Variants in HES7 observed in about 807,000 individuals in gnomAD.
HES7 encodes transcription factor HES-7.
A neutral mutation model predicts 18.0 loss-of-function variants in HES7; 8 were observed. The ratio of observed to expected loss-of-function variants is 0.45; its 90% CI spans 0.26 to 0.80. The LOEUF is 0.80. Among genes scored for constraint, HES7 ranks in the 30% least tolerant of loss-of-function variants. The pLI is 0.18. For missense variants in HES7, 356 were observed against 340.9 expected, an observed-to-expected ratio of 1.04 and a Z score of -0.35; for synonymous variants, 170 against 158.6, an observed-to-expected ratio of 1.07 and a Z score of -0.54.
chr17:8,125,788 A>G (rs971758650), upstream of HES7, among the ~76,000 whole-genome samples: 7 of 152,212 alleles, frequency 4.6e-5, no homozygotes, highest in African/African-American at 9.6e-5. Context: ...GCCACGCGGG[A>G]GGCCCGGGTT....
At position 8,123,165 on chromosome 17, in the gene HES7, C is replaced by A; in HGVS notation, c.43-39G>T. The A allele has an allele frequency of 6.6e-7, 1 of 1,516,432 alleles. No individual in the cohort carries two copies. Among genetic ancestry groups the A allele is most frequent in the Non-Finnish European group, 9.0e-7 (1 of 1,112,296 alleles). The allele number at this position is 1,516,432 out of a possible 1,614,324, so 93.9% of individuals were successfully genotyped here. A position where few individuals can be genotyped will look rare whatever the true frequency, so the allele number is the denominator to read the frequency against. On this transcript the variant is annotated intron_variant, in intron 1 of 3. Transcript: ENST00000541682. This position sits in a 1 kb window ranked among gnomAD's most constrained non-coding sequence, Gnocchi z 5.9. ...GAAAAGGAGAGCGGGCCGACCAGAC[C>A]GAGACTCAGTGCGGCCGCCCCGGCG...
chr17:8,122,140 A>ACTT lies in HES7; in HGVS notation c.227-104_227-103insAAG. On this transcript the variant is annotated intron_variant, in intron 3 of 3. Coordinates refer to ENST00000541682, the MANE Select transcript of HES7 (RefSeq NM_001165967.2). The surrounding 1 kb of genome is among the most constrained non-coding windows in gnomAD (Gnocchi z 6.9). ...ACCAAGGCCGGACAGGCGCACAGAG[A>ACTT]CAGGAAGCCAGATGGACGGAAAGAG... 9.0e-7 allele frequency: 1 copy of ACTT among 1,109,844 alleles called. No homozygotes were observed. Among genetic ancestry groups the ACTT allele is most frequent in the Non-Finnish European group, 1.3e-6 (1 of 797,770 alleles). The allele number at this position is 1,109,844 out of a possible 1,614,324, so 68.7% of individuals were successfully genotyped here. A position where few individuals can be genotyped will look rare whatever the true frequency, so the allele number is the denominator to read the frequency against.
Position 8,123,952 on chromosome 17 carries a change from C to T in HES7, c.42+91G>A. On this transcript the variant is annotated intron_variant, in intron 1 of 3. Coordinates refer to ENST00000541682, the MANE Select transcript of HES7 (RefSeq NM_001165967.2). This position sits in a 1 kb window ranked among gnomAD's most constrained non-coding sequence, Gnocchi z 5.9. ...GAGCACCGCTCCCCTTCCACCCCTG[C>T]GTCCCCAGCCTCTCTCCAGACCGAC... The T allele has an allele frequency of 1.4e-6, 2 of 1,416,084 alleles. No homozygotes were observed. The highest frequency in any genetic ancestry group is 1.4e-5 in the African/African-American group (1 of 70,918). 87.7% of individuals were successfully genotyped at this position (1,416,084 alleles called of 1,614,324 possible).
In HES7 at chr17:8,123,255, C is replaced by T; in HGVS notation, c.43-129G>A. On this transcript the variant is annotated intron_variant, in intron 1 of 3. Coordinates refer to ENST00000541682, the MANE Select transcript of HES7 (RefSeq NM_001165967.2). The surrounding 1 kb of genome is among the most constrained non-coding windows in gnomAD (Gnocchi z 5.9). ...CCACAAGACCCCAGATTGCCTAGGGCCGGCCCCATTCGATCCCTCTCCGCT... is the reference window on the plus strand; with the variant it reads ...CCACAAGACCCCAGATTGCCTAGGGTCGGCCCCATTCGATCCCTCTCCGCT... The T allele has an allele frequency of 1.4e-6, 1 of 719,454 alleles. No individual in the cohort carries two copies. Among genetic ancestry groups the T allele is most frequent in the Non-Finnish European group, 2.5e-6 (1 of 407,012 alleles). 44.6% of individuals were successfully genotyped at this position (719,454 alleles called of 1,614,324 possible).
Position 8,121,439 on chromosome 17 carries a change from C to A in HES7, c.*132G>T. ...ATACTCTAATATAGACCACATCTCA[C>A]CCGCGCGCTGAGCCCGCGCGCCCCA... On this transcript the variant is annotated 3_prime_UTR_variant, in exon 4 of 4. Coordinates refer to ENST00000541682, the MANE Select transcript of HES7 (RefSeq NM_001165967.2). 1 of 603,838 alleles carries A rather than the reference C, an allele frequency of 1.7e-6. No individual in the cohort carries two copies. Among genetic ancestry groups the A allele is most frequent in the Non-Finnish European group, 2.5e-6 (1 of 407,654 alleles). The allele number at this position is 603,838 out of a possible 1,614,324, so 37.4% of individuals were successfully genotyped here.
chr17:8,125,709 A>G (rs879274530), upstream of HES7, among the ~76,000 whole-genome samples: 1 of 152,038 alleles, frequency 6.6e-6, no homozygotes, highest in Non-Finnish European at 1.5e-5. Context: ...AACCTCTTAC[A>G]ATCTCAGATA....
At chr17:8,126,013 T>C (rs1419475715), upstream of HES7, among the ~76,000 whole-genome samples, 2 of 151,708 alleles carry the variant, frequency 1.3e-5, no homozygotes, top group Non-Finnish European at 2.9e-5. Flanking sequence ...TCCTGCAGCC[T>C]CCACACCCCC....
chr17:8,124,991 G>C (rs1981539513), upstream of HES7, among the ~76,000 whole-genome samples: 1 of 152,150 alleles, frequency 6.6e-6, no homozygotes, highest in Non-Finnish European at 1.5e-5. Context: ...TGCCCGCATT[G>C]CTTGCTTCTG....
chr17:8,123,157 G>C lies in HES7; in HGVS notation c.43-31C>G. On this transcript the variant is annotated intron_variant, in intron 1 of 3. Transcript: ENST00000541682. This position sits in a 1 kb window ranked among gnomAD's most constrained non-coding sequence, Gnocchi z 5.9. Reference sequence around the variant, plus strand: ...ACCAGCGAGAAAAGGAGAGCGGGCCGACCAGACCGAGACTCAGTGCGGCCG... The same window carrying C: ...ACCAGCGAGAAAAGGAGAGCGGGCCCACCAGACCGAGACTCAGTGCGGCCG... 4 of 1,549,038 alleles carry C rather than the reference G, an allele frequency of 2.6e-6. No individual in the cohort carries two copies. The highest frequency in any genetic ancestry group is 3.5e-6 in the Non-Finnish European group (4 of 1,138,958).
In HES7 at chr17:8,121,856, G is replaced by T; in HGVS notation, c.408C>A (p.Pro136=). ...GCCTCGGATCTACCGGCTTGGGCCG[G>T]GGCGGTTTGGGGCGCAGATAGCCGT... The part of the protein sequence containing the change: ...ALHGYLRPKP[P]RPKPVDPRPP... The change falls in exon 4 of 4, where the codon CCC becomes CCA. Residue 136 remains proline (P), a synonymous_variant. Coordinates refer to ENST00000541682, the MANE Select transcript of HES7 (RefSeq NM_001165967.2). 1.3e-6 allele frequency: 2 copies of T among 1,572,762 alleles called. No individual in the cohort carries two copies. The highest frequency in any genetic ancestry group is 1.7e-6 in the Non-Finnish European group (2 of 1,169,778).
Position 8,123,971 on chromosome 17 carries a change from GACCGACGGCGTCAGGGGCCCAGTCCCCT to G in HES7, c.42+44_42+71del. 1 of 1,556,444 alleles carries G rather than the reference GACCGACGGCGTCAGGGGCCCAGTCCCCT, an allele frequency of 6.4e-7. No individual in the cohort carries two copies. Among genetic ancestry groups the G allele is most frequent in the Non-Finnish European group, 8.8e-7 (1 of 1,132,002 alleles). ...CCCCTGCGTCCCCAGCCTCTCTCCA[GACCGACGGCGTCAGGGGCCCAGTCCCCT>G]AGCCAAACCAGGGACCTCTGCTCCC... is the stretch of plus-strand genomic sequence containing the variant. On this transcript the variant is annotated intron_variant, in intron 1 of 3. Coordinates refer to ENST00000541682, the MANE Select transcript of HES7 (RefSeq NM_001165967.2). This position sits in a 1 kb window ranked among gnomAD's most constrained non-coding sequence, Gnocchi z 5.9.
Position 8,122,270 on chromosome 17 carries a change from G to T in HES7, c.226+73C>A. The T allele has an allele frequency of 7.6e-7, 1 of 1,316,972 alleles. No individual in the cohort carries two copies. The highest frequency in any genetic ancestry group is 1.1e-6 in the Non-Finnish European group (1 of 939,322). 81.6% of individuals were successfully genotyped at this position (1,316,972 alleles called of 1,614,324 possible). A position where few individuals can be genotyped will look rare whatever the true frequency, so the allele number is the denominator to read the frequency against. ...AAGCCCACCATCCACCGCAGGGCCC[G>T]CCCACTCTGCCCCGGCCGGAGCCTC... On this transcript the variant is annotated intron_variant, in intron 3 of 3. Coordinates refer to ENST00000541682, the MANE Select transcript of HES7 (RefSeq NM_001165967.2). This position sits in a 1 kb window ranked among gnomAD's most constrained non-coding sequence, Gnocchi z 6.9.
upstream of HES7, among the ~76,000 whole-genome samples, chr17:8,124,370 T>C (rs1981516837): frequency 6.6e-6 from 1 of 152,054 alleles, no homozygotes. Flanking sequence ...AGGAGGAGGC[T>C]ATTGGGGCAG....
intron 1 of HES7, 41 bp downstream of exon 1, chr17:8,124,002 C>A: frequency 6.2e-7 from 1 of 1,611,174 alleles, no homozygotes; most frequent in Non-Finnish European, 8.5e-7. Context: ...AGTCCCCTAG[C>A]CAAACCAGGG....
rs534588312 is a variant in HES7, at chr17:8,122,556, C to G, written c.139-126G>C. ...GCCCCCGATCGCATTTGCGCACTGC[C>G]CACAGAACGCGCGACCAAATGCGGA... On this transcript the variant is annotated intron_variant, in intron 2 of 3. Transcript: ENST00000541682. This position sits in a 1 kb window ranked among gnomAD's most constrained non-coding sequence, Gnocchi z 6.9. 4 of 707,022 alleles carry G rather than the reference C, an allele frequency of 5.7e-6. No individual in the cohort carries two copies. The highest frequency in any genetic ancestry group is 3.5e-5 in the African/African-American group (2 of 56,396). The allele number at this position is 707,022 out of a possible 1,614,324, so 43.8% of individuals were successfully genotyped here.
chr17:8,124,218 C>T (rs573244161), upstream of HES7: 12 of 1,042,424 alleles, frequency 1.2e-5, no homozygotes, highest in African/African-American at 4.7e-5. Context: ...GGACCCGGCA[C>T]GAGGCTCCCG....
At position 8,122,128 on chromosome 17, in the gene HES7, A is replaced by T; in HGVS notation, c.227-91T>A. ...GGGCGCAGAGATACCAAGGCCGGACAGGCGCACAGAGACAGGAAGCCAGAT... is the reference window on the plus strand; with the variant it reads ...GGGCGCAGAGATACCAAGGCCGGACTGGCGCACAGAGACAGGAAGCCAGAT... On this transcript the variant is annotated intron_variant, in intron 3 of 3. Coordinates refer to ENST00000541682, the MANE Select transcript of HES7 (RefSeq NM_001165967.2). The surrounding 1 kb of genome is among the most constrained non-coding windows in gnomAD (Gnocchi z 6.9). 1 of 1,181,006 alleles carries T rather than the reference A, an allele frequency of 8.5e-7. No homozygotes were observed. Among genetic ancestry groups the T allele is most frequent in the Admixed American group, 2.7e-5 (1 of 36,900 alleles). 73.2% of individuals were successfully genotyped at this position (1,181,006 alleles called of 1,614,324 possible). A position where few individuals can be genotyped will look rare whatever the true frequency, so the allele number is the denominator to read the frequency against.
chr17:8,125,725 C>A (rs908952383), upstream of HES7, among the ~76,000 whole-genome samples: 2 of 152,204 alleles, frequency 1.3e-5, no homozygotes, highest in African/African-American at 2.4e-5. Context: ...AGATAGGATC[C>A]CCGCAGAATC....
Position 8,123,842 on chromosome 17 carries a change from C to T in HES7, c.42+201G>A. On this transcript the variant is annotated intron_variant, in intron 1 of 3. Transcript: ENST00000541682. The surrounding 1 kb of genome is among the most constrained non-coding windows in gnomAD (Gnocchi z 5.9). ...CGAGGCCCCTAGTCCTATGTTCCCG[C>T]CGCCCACTCAGGTCTGGCTCTGACC... Among the ~76,000 whole-genome samples the T allele has an allele frequency of 6.6e-6, 1 of 152,232 alleles. No homozygotes were observed. Among genetic ancestry groups the T allele is most frequent in the East Asian group, 1.9e-4 (1 of 5,190 alleles).
Sources: allele counts gnomAD v4.1 joint callset (sites outside exome capture counted in the v4.1 genomes callset), GRCh38; gene constraint gnomAD v4.1.1; non-coding constraint Gnocchi (gnomAD v3.1); transcripts MANE v1.5; gene names NCBI Gene and HGNC (gene_info 2026-07-23, HGNC 2026-07-21).